PLXNA4: variants seen among roughly 807,000 people sequenced by gnomAD.
The protein encoded by PLXNA4 is plexin A4.
Under a neutral mutation model 191.8 loss-of-function variants are expected in PLXNA4, and 44 were observed. The ratio of observed to expected loss-of-function variants is 0.23; its 90% confidence interval spans 0.18 to 0.29. PLXNA4 has a LOEUF of 0.29. Among genes scored for constraint, PLXNA4 ranks in the 10% least tolerant of loss-of-function variants. PLXNA4 has a pLI of 1.00. For missense variants in PLXNA4, 1,800 were observed against 2,488.8 expected, an observed-to-expected ratio of 0.72 and a Z score of 5.89; for synonymous variants, 1,082 against 1,009.5, an observed-to-expected ratio of 1.07 and a Z score of -1.36.
At chr7:132,570,726 T>C (rs578077415) in intron 1 of PLXNA4, among the ~76,000 whole-genome samples, 1 of 152,352 alleles carries the variant, frequency 6.6e-6, no homozygotes, top group Non-Finnish European at 1.5e-5. Context: ...GCGCATTGAC[T>C]GCGGAGACTA....
At chr7:132,355,872 G>T (rs1402511469) in intron 3 of PLXNA4, among the ~76,000 whole-genome samples, 1 of 152,086 alleles carries the variant, frequency 6.6e-6, no homozygotes, top group Non-Finnish European at 1.5e-5. Flanking sequence ...AGTGTACGAG[G>T]AGGTAGGAAG....
chr7:132,452,784 C>T (rs1796170947), intron 3 of PLXNA4, among the ~76,000 whole-genome samples: 1 of 152,224 alleles, frequency 6.6e-6, no homozygotes, highest in Non-Finnish European at 1.5e-5. Flanking sequence ...GTATCAGCTG[C>T]AAGACAGCTC....
At chr7:132,261,800 TTTCAGCCCCTA>T (rs1253196189) in intron 4 of PLXNA4, among the ~76,000 whole-genome samples, 1 of 152,336 alleles carries the variant, frequency 6.6e-6, no homozygotes. Flanking sequence ...CATGGCTAGA[TTTCAGCCCCTA>T]CTCAGCCCCT....
At chr7:132,214,733 C>T (rs1209365904) in intron 9 of PLXNA4, among the ~76,000 whole-genome samples, 2 of 152,192 alleles carry the variant, frequency 1.3e-5, no homozygotes, top group Non-Finnish European at 2.9e-5. Flanking sequence ...TTTATCTTCA[C>T]CTTGAAGGCT....
At chr7:132,154,503 C>G (rs905744340) in intron 25 of PLXNA4, among the ~76,000 whole-genome samples, 1 of 151,766 alleles carries the variant, frequency 6.6e-6, no homozygotes, top group East Asian at 1.9e-4. Flanking sequence ...ATTATTTGCA[C>G]TGAAGGTACT....
intron 3 of PLXNA4, among the ~76,000 whole-genome samples, chr7:132,476,141 G>A (rs1797121792): frequency 6.6e-6 from 1 of 152,166 alleles, no homozygotes; most frequent in African/African-American, 2.4e-5. Flanking sequence ...TGTATGGAGA[G>A]GGGATACAGA....
chr7:132,355,869 G>A lies in PLXNA4; in HGVS notation c.1372-57647C>T, dbSNP rs145603964. On this transcript the variant is annotated intron_variant, in intron 3 of 31. Coordinates refer to ENST00000321063, the MANE Select transcript of PLXNA4 (RefSeq NM_020911.2). Reference sequence around the variant, plus strand: ...GGAGTATTCATTTTGTAAAGTGTACGAGGAGGTAGGAAGGTACCATTTTGT... The same window carrying A: ...GGAGTATTCATTTTGTAAAGTGTACAAGGAGGTAGGAAGGTACCATTTTGT... 1.2e-4 allele frequency among the ~76,000 whole-genome samples: 19 copies of A among 152,184 alleles called. No individual in the cohort carries two copies. The East Asian group carries it at 2.5e-3, about 20-fold the overall frequency.
chr7:132,271,948 CAG>C (rs1177845899), intron 4 of PLXNA4, among the ~76,000 whole-genome samples: 1 of 152,118 alleles, frequency 6.6e-6, no homozygotes, highest in East Asian at 1.9e-4. Context: ...GGTGAAAAAA[CAG>C]ATGATAGGAA....
At position 132,303,635 on chromosome 7, in the gene PLXNA4, A is replaced by G. The variant is rs139050213; in HGVS notation, c.1372-5413T>C. 2.4e-3 allele frequency among the ~76,000 whole-genome samples: 369 copies of G among 152,288 alleles called. 4 individuals are homozygous for G. Among genetic ancestry groups the G allele is most frequent in the African/African-American group, 8.5e-3 (354 of 41,574 alleles). Reference sequence around the variant, plus strand: ...TACTTTGGTTGTTTGGAAGATGTTAATCTCTGAGGATGACACCAAGGAGGA... The same window carrying G: ...TACTTTGGTTGTTTGGAAGATGTTAGTCTCTGAGGATGACACCAAGGAGGA... On this transcript the variant is annotated intron_variant, in intron 3 of 31. Coordinates refer to ENST00000321063, the MANE Select transcript of PLXNA4 (RefSeq NM_020911.2).
At chr7:132,436,471 C>A (rs1795473611) in intron 3 of PLXNA4, among the ~76,000 whole-genome samples, 1 of 152,198 alleles carries the variant, frequency 6.6e-6, no homozygotes, top group Admixed American at 6.5e-5. Flanking sequence ...ACAGGGCCAG[C>A]CAGCTTAGGA....
intron 2 of PLXNA4, among the ~76,000 whole-genome samples, chr7:132,499,391 G>A (rs116458908): frequency 0.022 from 3,292 of 152,338 alleles, 88 homozygotes; most frequent in African/African-American, 0.061. Context: ...AGACCCATGG[G>A]AAATCCCAGG....
In PLXNA4 at chr7:132,518,594, C is replaced by G. The variant is rs561220284; in HGVS notation, c.-86-9815G>C. Among the ~76,000 whole-genome samples, 163 of 152,288 alleles carry G rather than the reference C, an allele frequency of 1.1e-3. 1 individual carries two copies. Among genetic ancestry groups the G allele is most frequent in the Non-Finnish European group, 1.6e-3 (110 of 68,016 alleles). On this transcript the variant is annotated intron_variant, in intron 1 of 31. Coordinates refer to ENST00000321063, the MANE Select transcript of PLXNA4 (RefSeq NM_020911.2). ...GCCAGGCACTGATGTAGAGTCTTGG[C>G]GCCACCAGGCAACCAGCCCGGTCCC...
At chr7:132,260,950 G>C (rs1310754470) in intron 4 of PLXNA4, among the ~76,000 whole-genome samples, 1 of 152,186 alleles carries the variant, frequency 6.6e-6, no homozygotes, top group Non-Finnish European at 1.5e-5. Flanking sequence ...TGGGAATGTT[G>C]ATAGTGGTGG....
intron 16 of PLXNA4, among the ~76,000 whole-genome samples, chr7:132,183,470 C>A (rs569442608): frequency 6.6e-6 from 1 of 152,314 alleles, no homozygotes; most frequent in Admixed American, 6.5e-5. Context: ...GGCTGGCAGA[C>A]CCAGAACATG....
Position 132,643,063 on chromosome 7 carries a change from G to A in PLXNA4, c.-87+2865C>T, listed in dbSNP as rs141054967. On this transcript the variant is annotated intron_variant, in intron 2 of 4. Coordinates refer to the PLXNA4 transcript ENST00000378539. ...TGGGGTGGGAGGGAGAATTTCAATGGTCTGCCATTGAATCTTTTCAGACCT... is the reference window on the plus strand; with the variant it reads ...TGGGGTGGGAGGGAGAATTTCAATGATCTGCCATTGAATCTTTTCAGACCT... Among the ~76,000 whole-genome samples the A allele has an allele frequency of 5.4e-3, 824 of 152,202 alleles. 7 individuals carry two copies. Among genetic ancestry groups the A allele is most frequent in the Middle Eastern group, 0.024 (7 of 294 alleles).
chr7:132,361,467 A>AGT (rs1803939219), intron 3 of PLXNA4, among the ~76,000 whole-genome samples: 7 of 152,224 alleles, frequency 4.6e-5, no homozygotes, highest in Admixed American at 2.6e-4. Context: ...ATCAAGTTTG[A>AGT]GAATGGTCTG....
At chr7:132,184,011 C>T in intron 16 of PLXNA4, among the ~76,000 whole-genome samples, 1 of 152,190 alleles carries the variant, frequency 6.6e-6, no homozygotes, top group East Asian at 1.9e-4. Context: ...ACTTTATTTA[C>T]AAAAGCAGGT....
intron 2 of PLXNA4, among the ~76,000 whole-genome samples, chr7:132,601,056 T>C (rs1802809063): frequency 6.6e-6 from 1 of 152,186 alleles, no homozygotes. Context: ...ACAGAAACTT[T>C]TTTCTATCAA....
At chr7:132,438,744 TGGAG>T (rs1328729757) in intron 3 of PLXNA4, among the ~76,000 whole-genome samples, 1 of 152,234 alleles carries the variant, frequency 6.6e-6, no homozygotes, top group Non-Finnish European at 1.5e-5. Context: ...TACAGCTCTG[TGGAG>T]TTTTAGATGT....
Sources: allele counts gnomAD v4.1 joint callset (sites outside exome capture counted in the v4.1 genomes callset), GRCh38; gene constraint gnomAD v4.1.1; transcripts MANE v1.5; gene names NCBI Gene and HGNC (gene_info 2026-07-23, HGNC 2026-07-21).